Variants in TMEM63B observed in about 807,000 individuals in gnomAD.
TMEM63B encodes the protein mechanosensitive cation channel TMEM63B.
In TMEM63B, 23 loss-of-function variants were observed where a neutral mutation model predicts 102.6. That is an observed-to-expected ratio of 0.22 (90% CI 0.16 to 0.32). The LOEUF is 0.32. Ranked by LOEUF, TMEM63B falls within the 10% of genes least tolerant of loss-of-function variation. The probability of loss-of-function intolerance (pLI) is 1.00; values close to 1 mark genes in which losing one functional copy is unlikely to be tolerated. For missense variants in TMEM63B, 628 were observed against 1,095.9 expected (o/e 0.57, Z 6.03); for synonymous variants, 444 against 437.0 (o/e 1.02, Z -0.20).
At chr6:44,147,265 T>C in intron 11 of TMEM63B, 112 bp from the exon 12 acceptor site, 1 of 1,544,710 alleles carries the variant, frequency 6.5e-7, no homozygotes, top group South Asian at 1.2e-5. Flanking sequence ...CTGAAACATG[T>C]ATCCTAAACA....
At chr6:44,139,799 C>G in intron 8 of TMEM63B, 40 bp downstream of exon 8, 2 of 1,613,186 alleles carry the variant, frequency 1.2e-6, no homozygotes. Flanking sequence ...AGGTCTACGA[C>G]CAGAGTCTGG....
At position 44,151,855 on chromosome 6, in the gene TMEM63B, C is replaced by T. The variant is rs985564217; in HGVS notation, c.1683C>T (p.Phe561=). 3.7e-6 allele frequency: 6 copies of T among 1,610,826 alleles called. No homozygotes were observed. In the African/African-American group the frequency reaches 4.0e-5, roughly 11 times the overall value. Residue 561 remains phenylalanine, a synonymous_variant, in exon 19 of 24, where the codon TTC becomes TTT. Transcript: ENST00000323267. ...CACCTGGTGCCCGCAGGTGTGTGTT[C>T]CTGCCCGACAACGGCGCCTTCTTCG... The part of the protein sequence containing the change: ...AEAAIRFECV[F]LPDNGAFFVN...
chr6:44,130,618 G>T (rs1282082778), intron 1 of TMEM63B, among the ~76,000 whole-genome samples: 2 of 151,238 alleles, frequency 1.3e-5, no homozygotes, highest in African/African-American at 2.4e-5. Flanking sequence ...TTTTGGTGGT[G>T]GGGGGTATCT....
At chr6:44,153,297 C>G (rs1437598137) in intron 20 of TMEM63B, among the ~76,000 whole-genome samples, 1 of 152,242 alleles carries the variant, frequency 6.6e-6, no homozygotes, top group African/African-American at 2.4e-5. Flanking sequence ...AGTTCCCAAA[C>G]TAACTTCCTT....
chr6:44,127,169 C>CCCCCCTCCCCGTCGGGACCA (rs1777221589), upstream of TMEM63B: 1 of 44,996 alleles, frequency 2.2e-5, no homozygotes, highest in Non-Finnish European at 6.2e-5. Flanking sequence ...CCCGTCGGGA[C>CCCCCCTCCCCGTCGGGACCA]CCCCCTCCCC....
intron 1 of TMEM63B, chr6:44,134,337 CTG>C (rs2128225219): frequency 1.9e-6 from 1 of 518,980 alleles, no homozygotes; most frequent in African/African-American, 1.9e-5. Flanking sequence ...GGCATCTAGA[CTG>C]AGTTCCCCAG....
chr6:44,144,502 C>A (rs1485731338), intron 10 of TMEM63B, among the ~76,000 whole-genome samples: 1 of 152,010 alleles, frequency 6.6e-6, no homozygotes, highest in Non-Finnish European at 1.5e-5. Context: ...ATTTAAGTTT[C>A]TAAATTCTCA....
intron 6 of TMEM63B, 129 bp from the exon 7 acceptor site, chr6:44,139,338 C>T (rs577515443): frequency 1.7e-6 from 2 of 1,162,422 alleles, no homozygotes; most frequent in Middle Eastern, 2.2e-4. Context: ...CATTTCAGCC[C>T]TATACTACTG....
At chr6:44,131,265 C>T (rs192328628) in intron 1 of TMEM63B, among the ~76,000 whole-genome samples, 3 of 152,228 alleles carry the variant, frequency 2.0e-5, no homozygotes, top group Admixed American at 2.0e-4. Context: ...TTGCCTTTCT[C>T]TCTGAAGTGG....
intron 2 of TMEM63B, 75 bp downstream of exon 2, chr6:44,134,818 C>G (rs1171567820): frequency 6.5e-6 from 10 of 1,532,144 alleles, no homozygotes; most frequent in Middle Eastern, 1.7e-4. Flanking sequence ...CAGCTCTAAC[C>G]ACTCTCCCAC....
At position 44,152,809 on chromosome 6, in the gene TMEM63B, C is replaced by T; in HGVS notation, c.1942+111C>T. 1 of 914,734 alleles carries T rather than the reference C, an allele frequency of 1.1e-6. No individual in the cohort carries two copies. The highest frequency in any genetic ancestry group is 1.5e-5 in the South Asian group (1 of 66,190). 56.7% of individuals were successfully genotyped at this position (914,734 alleles called of 1,614,324 possible). On this transcript the variant is annotated intron_variant, in intron 20 of 23. Transcript: ENST00000323267. This position sits in a 1 kb window ranked among gnomAD's most constrained non-coding sequence, Gnocchi z 6.4. ...GAGTGGACAGGGCCCGGCTGGGAGA[C>T]CGGCCCCTCGGGGCTCCCGCCCGGT...
intron 10 of TMEM63B, among the ~76,000 whole-genome samples, chr6:44,142,273 A>G (rs1218611323): frequency 6.6e-6 from 1 of 151,802 alleles, no homozygotes; most frequent in East Asian, 1.9e-4. Context: ...GTCTTAAAAA[A>G]AAAAAAAAAA....
At chr6:44,153,591 C>T in intron 20 of TMEM63B, 85 bp from the exon 21 acceptor site, 2 of 1,516,966 alleles carry the variant, frequency 1.3e-6, no homozygotes, top group Non-Finnish European at 1.8e-6. Flanking sequence ...CTTCAGCACT[C>T]TCAGGACCAG....
chr6:44,153,182 T>C (rs912286803), intron 20 of TMEM63B, among the ~76,000 whole-genome samples: 1 of 152,204 alleles, frequency 6.6e-6, no homozygotes. Context: ...TTTTGAAGTT[T>C]AGCAAAGTTT....
At chr6:44,129,583 G>A (rs906835801) in intron 1 of TMEM63B, among the ~76,000 whole-genome samples, 2 of 152,154 alleles carry the variant, frequency 1.3e-5, no homozygotes, top group Non-Finnish European at 2.9e-5. Flanking sequence ...GATGGGGTAT[G>A]TTCAAAGAGT....
At chr6:44,144,634 G>T (rs2128246522) in intron 10 of TMEM63B, among the ~76,000 whole-genome samples, 1 of 151,742 alleles carries the variant, frequency 6.6e-6, no homozygotes, top group South Asian at 2.1e-4. Context: ...TGTCTCCCTG[G>T]CTGGAGTGCT....
At chr6:44,136,581 G>A (rs1376637996) in intron 5 of TMEM63B, 142 bp downstream of exon 5, 7 of 660,092 alleles carry the variant, frequency 1.1e-5, no homozygotes, top group Non-Finnish European at 1.6e-5. Flanking sequence ...TTCAACCAAG[G>A]AGCCACAGGA....
At chr6:44,128,606 C>G (rs954665716) in intron 1 of TMEM63B, among the ~76,000 whole-genome samples, 6 of 152,254 alleles carry the variant, frequency 3.9e-5, no homozygotes, top group Admixed American at 3.3e-4. Context: ...GGGCAGAGGT[C>G]TGGCCGCTCG....
At chr6:44,128,368 C>G (rs1373851147) in intron 1 of TMEM63B, among the ~76,000 whole-genome samples, 1 of 152,190 alleles carries the variant, frequency 6.6e-6, no homozygotes, top group Non-Finnish European at 1.5e-5. Flanking sequence ...TTGGAGGGTG[C>G]GGTGGGGAAA....
Sources: gnomAD v4.1 joint callset for allele counts (sites outside exome capture counted in the v4.1 genomes callset) on GRCh38, gnomAD v4.1.1 for gene constraint, Gnocchi (gnomAD v3.1) non-coding constraint, MANE v1.5 for transcripts, NCBI Gene and HGNC (gene_info 2026-07-23, HGNC 2026-07-21) for gene names.